The following DPP6 variants were observed in gnomAD, a reference collection of about 807,000 sequenced individuals.
The protein encoded by DPP6 is dipeptidyl peptidase like 6.
A neutral mutation model predicts 122.6 loss-of-function variants in DPP6; 69 were observed. That is an observed-to-expected ratio of 0.56 (90% CI 0.46 to 0.69). The LOEUF (loss-of-function observed/expected upper bound fraction) is 0.69. DPP6 is among the 30% of genes least tolerant of loss of function. DPP6 has a pLI of 0.00. For missense variants in DPP6, 928 were observed against 1,116.9 expected (o/e 0.83, Z 2.41); for synonymous variants, 418 against 433.1 (o/e 0.97, Z 0.43).
At chr7:154,433,303 C>T (rs1046636073) in intron 1 of DPP6, among the ~76,000 whole-genome samples, 2 of 148,810 alleles carry the variant, frequency 1.3e-5, no homozygotes, top group African/African-American at 2.5e-5. Context: ...AGGTGCATGC[C>T]ACCGTGCCTG....
At chr7:154,687,158 T>C (rs1188147844) in intron 7 of DPP6, among the ~76,000 whole-genome samples, 1 of 152,188 alleles carries the variant, frequency 6.6e-6, no homozygotes, top group Non-Finnish European at 1.5e-5. Context: ...TGATGTACCC[T>C]GAGTGTACAT....
At chr7:153,933,009 G>A (rs532235083) in intron 1 of DPP6, among the ~76,000 whole-genome samples, 2 of 152,212 alleles carry the variant, frequency 1.3e-5, no homozygotes, top group African/African-American at 4.8e-5. Context: ...CCCTGCACAC[G>A]CTCTCTTGCC....
At chr7:154,681,599 G>T (rs1327658180) in intron 7 of DPP6, among the ~76,000 whole-genome samples, 4 of 152,182 alleles carry the variant, frequency 2.6e-5, no homozygotes, top group African/African-American at 7.2e-5. Flanking sequence ...GGGTAGGGCG[G>T]GGGAGGGCTG....
chr7:154,247,736 T>C (rs927990675), intron 1 of DPP6, among the ~76,000 whole-genome samples: 1 of 152,170 alleles, frequency 6.6e-6, no homozygotes, highest in African/African-American at 2.4e-5. Context: ...CCGACTGCAG[T>C]CTACTGCACT....
chr7:154,047,101 G>C (rs1283648520), intron 1 of DPP6, among the ~76,000 whole-genome samples: 1 of 151,366 alleles, frequency 6.6e-6, no homozygotes, highest in African/African-American at 2.4e-5. Flanking sequence ...ATGCCTCTGG[G>C]CTGATGCCAA....
intron 3 of DPP6, among the ~76,000 whole-genome samples, chr7:154,539,063 T>A (rs1454966115): frequency 6.6e-6 from 1 of 152,222 alleles, no homozygotes; most frequent in Non-Finnish European, 1.5e-5. Flanking sequence ...TTATAACAAC[T>A]CTGCTTTTGA....
the DPP6 span, among the ~76,000 whole-genome samples, chr7:153,820,217 G>A: frequency 6.6e-6 from 1 of 152,162 alleles, no homozygotes; most frequent in Admixed American, 6.5e-5. Context: ...TTTTCTGTTG[G>A]AAGGTACTGG....
chr7:154,858,230 G>A (rs1803002628), intron 17 of DPP6: 1 of 152,276 alleles, frequency 6.6e-6, no homozygotes, highest in Non-Finnish European at 1.5e-5. Flanking sequence ...TCAACAGCCT[G>A]TGAGGCAGGA....
At chr7:154,124,433 G>A (rs1262944166) in intron 1 of DPP6, among the ~76,000 whole-genome samples, 1 of 152,142 alleles carries the variant, frequency 6.6e-6, no homozygotes, top group East Asian at 1.9e-4. Flanking sequence ...CATGTAAGAG[G>A]GCCAGGGACT....
At chr7:154,015,983 C>T (rs775890589) in intron 1 of DPP6, among the ~76,000 whole-genome samples, 25 of 152,184 alleles carry the variant, frequency 1.6e-4, no homozygotes, top group Non-Finnish European at 2.9e-4. Flanking sequence ...TTATAAGACC[C>T]CTTTTCCCTG....
intron 1 of DPP6, among the ~76,000 whole-genome samples, chr7:154,201,730 C>T (rs537929947): frequency 3.3e-5 from 5 of 152,122 alleles, no homozygotes; most frequent in Middle Eastern, 3.4e-3. Context: ...TTAGTAAATC[C>T]GTGATCCGTG....
chr7:154,445,210 G>C (rs983500637), intron 1 of DPP6, among the ~76,000 whole-genome samples: 2 of 152,174 alleles, frequency 1.3e-5, no homozygotes, highest in Non-Finnish European at 1.5e-5. Context: ...TTACTAAGTT[G>C]CAGTTATGTG....
chr7:154,471,059 TG>T (rs1269494142), intron 2 of DPP6, among the ~76,000 whole-genome samples: 3 of 152,076 alleles, frequency 2.0e-5, no homozygotes, highest in Non-Finnish European at 2.9e-5. Flanking sequence ...GAGACCAGCC[TG>T]GCCAATATAG....
At chr7:154,047,690 A>G (rs1800093288), upstream of DPP6, among the ~76,000 whole-genome samples, 1 of 152,228 alleles carries the variant, frequency 6.6e-6, no homozygotes, top group Non-Finnish European at 1.5e-5. Flanking sequence ...TGGTAGCACA[A>G]GGCAAGATTT....
rs78252642 is a variant in DPP6, at chr7:153,969,222, G to A, written c.51+81488G>A. On this transcript the variant is annotated intron_variant, in intron 1 of 25. Transcript: ENST00000404039. ...TTAGAATGACACAAATCTCTCCCAG[G>A]TGGTGAGTATAGCTCCCAAGTGGTG... Among the ~76,000 whole-genome samples, 292 of 150,548 alleles carry A rather than the reference G, an allele frequency of 1.9e-3. 5 individuals are homozygous for A. The highest frequency in any genetic ancestry group is 7.1e-3 in the African/African-American group (282 of 39,932).
At position 153,972,342 on chromosome 7, in the gene DPP6, A is replaced by G. The variant is rs1285446120; in HGVS notation, c.51+84608A>G. Among the ~76,000 whole-genome samples, 3 of 151,668 alleles carry G rather than the reference A, an allele frequency of 2.0e-5. No individual in the cohort carries two copies. In the South Asian group the frequency reaches 6.3e-4, roughly 32 times the overall value. ...GAAAACACTGATGCTGTTTTGCCTC[A>G]CAAACACTAAGTCAAAATCCCAGGC... On this transcript the variant is annotated intron_variant, in intron 1 of 25. Transcript: ENST00000404039.
chr7:154,374,674 C>T (rs750493421), intron 1 of DPP6, among the ~76,000 whole-genome samples: 9 of 144,994 alleles, frequency 6.2e-5, no homozygotes, highest in Non-Finnish European at 1.0e-4. Context: ...TGCAATGGCA[C>T]CATCTCAGCT....
At chr7:154,377,584 A>G (rs997865973) in intron 1 of DPP6, among the ~76,000 whole-genome samples, 1 of 152,158 alleles carries the variant, frequency 6.6e-6, no homozygotes, top group African/African-American at 2.4e-5. Flanking sequence ...ATAGTGAATG[A>G]GTTCTCATAA....
intron 8 of DPP6, among the ~76,000 whole-genome samples, chr7:154,759,725 T>C (rs907490921): frequency 6.6e-6 from 1 of 152,236 alleles, no homozygotes; most frequent in African/African-American, 2.4e-5. Context: ...GGCCCCTCTC[T>C]GTGTCCAGCC....
Sources: gnomAD v4.1 joint callset for allele counts (sites outside exome capture counted in the v4.1 genomes callset) on GRCh38, gnomAD v4.1.1 for gene constraint, MANE v1.5 for transcripts, NCBI Gene and HGNC (gene_info 2026-07-23, HGNC 2026-07-21) for gene names.